Variants in ZNF804B observed in about 807,000 individuals in gnomAD.
ZNF804B encodes zinc finger 804B.
In ZNF804B, 80 loss-of-function variants were observed where a neutral mutation model predicts 101.4. That is an observed-to-expected ratio of 0.79 (90% CI 0.66 to 0.95). The LOEUF (loss-of-function observed/expected upper bound fraction) is 0.95. Ranked by LOEUF, ZNF804B falls within the 40% of genes least tolerant of loss-of-function variation. The probability of loss-of-function intolerance (pLI) is 0.00; values close to 1 mark genes in which losing one functional copy is unlikely to be tolerated. For synonymous variants in ZNF804B, 622 were observed against 558.8 expected (o/e 1.11, Z -1.59); for missense variants, 1,673 against 1,561.9 (o/e 1.07, Z -1.20).
chr7:88,764,893 C>T lies in ZNF804B; in HGVS notation c.108+4809C>T, dbSNP rs188458138. Among the ~76,000 whole-genome samples, 6 of 152,206 alleles carry T rather than the reference C, an allele frequency of 3.9e-5. No individual in the cohort carries two copies. The East Asian group carries it at 9.7e-4, about 25-fold the overall frequency. Reference sequence around the variant, plus strand: ...TACCTTTCATGTTGGAATTTTCAGACGTTTTCAATAAAGACGACTTAGTTA... The same window carrying T: ...TACCTTTCATGTTGGAATTTTCAGATGTTTTCAATAAAGACGACTTAGTTA... On this transcript the variant is annotated intron_variant, in intron 1 of 3. Transcript: ENST00000333190.
At chr7:88,831,362 C>A (rs1242440979) in intron 1 of ZNF804B, among the ~76,000 whole-genome samples, 1 of 151,816 alleles carries the variant, frequency 6.6e-6, no homozygotes, top group Non-Finnish European at 1.5e-5. Context: ...ATAATGTATT[C>A]TATGGTAAAA....
At chr7:89,187,026 T>A (rs1413738706) in intron 1 of ZNF804B, among the ~76,000 whole-genome samples, 1 of 152,200 alleles carries the variant, frequency 6.6e-6, no homozygotes, top group African/African-American at 2.4e-5. Flanking sequence ...TCAACCTTGA[T>A]GACTGTCTTG....
intron 1 of ZNF804B, among the ~76,000 whole-genome samples, chr7:89,051,940 T>G (rs539461503): frequency 6.6e-6 from 1 of 152,222 alleles, no homozygotes; most frequent in South Asian, 2.1e-4. Context: ...GAGGAAGAAG[T>G]GTTAGCTATT....
chr7:88,770,170 C>T (rs1790041487), intron 1 of ZNF804B, among the ~76,000 whole-genome samples: 1 of 151,924 alleles, frequency 6.6e-6, no homozygotes, highest in African/African-American at 2.4e-5. Flanking sequence ...TAATGATATC[C>T]CCAAAGATGT....
intron 1 of ZNF804B, among the ~76,000 whole-genome samples, chr7:89,043,968 A>G (rs1315151779): frequency 6.6e-6 from 1 of 152,240 alleles, no homozygotes; most frequent in Non-Finnish European, 1.5e-5. Flanking sequence ...GTATATATAC[A>G]CAATAGAATA....
intron 1 of ZNF804B, among the ~76,000 whole-genome samples, chr7:88,973,559 CT>C (rs34826320): frequency 0.35 from 52,022 of 147,674 alleles, 10,413 homozygotes; most frequent in African/African-American, 0.56. Context: ...GAAGTATAAT[CT>C]TTTTTTTTTT....
intron 1 of ZNF804B, among the ~76,000 whole-genome samples, chr7:89,054,610 C>G (rs1016213533): frequency 1.3e-5 from 2 of 151,666 alleles, no homozygotes; most frequent in African/African-American, 4.8e-5. Flanking sequence ...GCTTTTTTTT[C>G]ATTTTTGTTA....
chr7:88,933,607 G>A (rs73202725), intron 1 of ZNF804B, among the ~76,000 whole-genome samples: 2,811 of 152,026 alleles, frequency 0.018, 62 homozygotes, highest in Middle Eastern at 0.034. Flanking sequence ...CAAAATCAAC[G>A]TACGTGAATC....
intron 1 of ZNF804B, among the ~76,000 whole-genome samples, chr7:88,988,757 C>G (rs1318725376): frequency 6.6e-6 from 1 of 152,028 alleles, no homozygotes; most frequent in Middle Eastern, 3.4e-3. Context: ...AAGAGTATCT[C>G]TATAGGGAGA....
At chr7:88,845,042 C>T (rs554522391) in intron 1 of ZNF804B, among the ~76,000 whole-genome samples, 1 of 152,162 alleles carries the variant, frequency 6.6e-6, no homozygotes, top group Admixed American at 6.5e-5. Context: ...CTCCTTCTTT[C>T]CAATCCCATG....
chr7:88,823,236 T>A (rs1562803769), intron 1 of ZNF804B, among the ~76,000 whole-genome samples: 1 of 151,826 alleles, frequency 6.6e-6, no homozygotes, highest in Non-Finnish European at 1.5e-5. Flanking sequence ...AAAAAACCAA[T>A]ACATATATAA....
rs1219884949 is a variant in ZNF804B at position 89,336,549 on chromosome 7, C to T, written c.3567C>T (p.Phe1189=). 11 of 1,614,102 alleles carry T rather than the reference C, an allele frequency of 6.8e-6. No homozygotes were observed. The South Asian group carries it at 1.2e-4, about 18-fold the overall frequency. Residue 1189 remains phenylalanine, a synonymous_variant, in exon 4 of 4, where the codon TTC becomes TTT. Transcript: ENST00000333190. ...TGCCTGCTGCAGGGCCTACTGCCTT[C>T]TCTCCGGCCTCAACCGTACAGACAG... The part of the protein sequence containing the change: ...RVLPAAGPTA[F]SPASTVQTVP...
chr7:89,060,078 T>C (rs953137886), intron 1 of ZNF804B, among the ~76,000 whole-genome samples: 47 of 152,112 alleles, frequency 3.1e-4, no homozygotes, highest in Admixed American at 5.9e-4. Context: ...GTTACACCAT[T>C]GGCTTCCCTG....
intron 1 of ZNF804B, among the ~76,000 whole-genome samples, chr7:89,156,280 A>AT (rs967902004): frequency 6.6e-6 from 1 of 151,600 alleles, no homozygotes; most frequent in African/African-American, 2.4e-5. Context: ...CACCTGGCAA[A>AT]TTTTTTGTAT....
In ZNF804B at chr7:89,024,204, G is replaced by C. The variant is rs147287425; in HGVS notation, c.109-193951G>C. ...TTGTGGTTAAGAAAAAGCATACATG[G>C]CTTCTGCTTCTGATAGTGTCCACTC... On this transcript the variant is annotated intron_variant, in intron 1 of 3. Coordinates refer to ENST00000333190, the MANE Select transcript of ZNF804B (RefSeq NM_181646.5). 2.7e-3 allele frequency among the ~76,000 whole-genome samples: 413 copies of C among 152,252 alleles called. 2 individuals are homozygous for C. Among genetic ancestry groups the C allele is most frequent in the African/African-American group, 9.4e-3 (389 of 41,560 alleles).
intron 1 of ZNF804B, among the ~76,000 whole-genome samples, chr7:89,044,972 C>A (rs1024924937): frequency 2.0e-5 from 3 of 152,184 alleles, no homozygotes; most frequent in Admixed American, 6.5e-5. Flanking sequence ...TTCACAGTAG[C>A]CCCATCCATC....
At chr7:89,108,385 T>C (rs1330951391) in intron 1 of ZNF804B, among the ~76,000 whole-genome samples, 1 of 152,118 alleles carries the variant, frequency 6.6e-6, no homozygotes, top group Admixed American at 6.6e-5. Flanking sequence ...TGGCTTCTAA[T>C]GAAAGACAGA....
rs1034464115 is a variant in ZNF804B at position 89,337,645 on chromosome 7, A to C, written c.*613A>C. 4.6e-5 allele frequency among the ~76,000 whole-genome samples: 7 copies of C among 152,124 alleles called. No individual in the cohort carries two copies. The highest frequency in any genetic ancestry group is 8.8e-5 in the Non-Finnish European group (6 of 67,976). On this transcript the variant is annotated 3_prime_UTR_variant, in exon 4 of 4. Coordinates refer to ENST00000333190, the MANE Select transcript of ZNF804B (RefSeq NM_181646.5). ...ATTATACTTTTGAGTTTCTGTGAAA[A>C]ATAAATTATCTTCATTTCACACAAA...
intron 1 of ZNF804B, among the ~76,000 whole-genome samples, chr7:88,799,692 T>C (rs72615108): frequency 0.055 from 8,426 of 152,120 alleles, 432 homozygotes; most frequent in East Asian, 0.28. Context: ...GAAATGTAAG[T>C]CTGGAGCTTA....
Sources: allele counts gnomAD v4.1 joint callset (sites outside exome capture counted in the v4.1 genomes callset), GRCh38; gene constraint gnomAD v4.1.1; transcripts MANE v1.5; gene names NCBI Gene and HGNC (gene_info 2026-07-23, HGNC 2026-07-21).